Variants in SLC16A7 observed in about 807,000 individuals in gnomAD.
SLC16A7 encodes the protein monocarboxylate transporter 2.
SLC16A7 carries 33 observed loss-of-function variants against 34.9 expected under a neutral mutation model. That is an observed-to-expected ratio of 0.94 (90% CI 0.72 to 1.26). The LOEUF (loss-of-function observed/expected upper bound fraction) is 1.26. Ranked by LOEUF, SLC16A7 falls within the 50% of genes most tolerant of loss-of-function variation. The pLI, the probability that SLC16A7 is intolerant of heterozygous loss-of-function variation, is 0.00. For missense variants in SLC16A7, 573 were observed against 578.1 expected (o/e 0.99, Z 0.09); for synonymous variants, 201 against 206.6 (o/e 0.97, Z 0.23).
chr12:59,608,797 T>G (rs1879059793), intron 1 of SLC16A7, among the ~76,000 whole-genome samples: 2 of 152,208 alleles, frequency 1.3e-5, no homozygotes, highest in South Asian at 4.1e-4. Flanking sequence ...CTCTACCTCA[T>G]TAAGATACCT....
intron 1 of SLC16A7, among the ~76,000 whole-genome samples, chr12:59,605,003 C>T (rs903800298): frequency 5.3e-5 from 8 of 152,084 alleles, no homozygotes; most frequent in African/African-American, 7.2e-5. Flanking sequence ...CCCGCCACCA[C>T]GCCCGGCTAA....
At chr12:59,684,917 A>G (rs1871036366) in intron 2 of SLC16A7, among the ~76,000 whole-genome samples, 1 of 152,128 alleles carries the variant, frequency 6.6e-6, no homozygotes, top group South Asian at 2.1e-4. Flanking sequence ...CAATGAGTAA[A>G]GACAAAATGT....
intron 1 of SLC16A7, among the ~76,000 whole-genome samples, chr12:59,650,559 G>A (rs921532576): frequency 2.0e-5 from 3 of 152,108 alleles, no homozygotes; most frequent in Non-Finnish European, 4.4e-5. Context: ...GTGATTGAGA[G>A]GACTAGAGTG....
chr12:59,622,130 A>G (rs1033674472), intron 1 of SLC16A7, among the ~76,000 whole-genome samples: 7 of 151,872 alleles, frequency 4.6e-5, no homozygotes, highest in African/African-American at 1.7e-4. Context: ...TAAGTGAGCT[A>G]GAAAAACTAT....
At chr12:59,738,465 A>G (rs1877864304) in intron 3 of SLC16A7, among the ~76,000 whole-genome samples, 1 of 152,112 alleles carries the variant, frequency 6.6e-6, no homozygotes, top group East Asian at 1.9e-4. Flanking sequence ...ACTGGGGAGG[A>G]AGAGAGTTTT....
chr12:59,648,352 A>G (rs903221218), intron 1 of SLC16A7, among the ~76,000 whole-genome samples: 1 of 152,206 alleles, frequency 6.6e-6, no homozygotes, highest in African/African-American at 2.4e-5. Flanking sequence ...GCAAGAAGAC[A>G]TAGGCATGAG....
At chr12:59,661,395 C>T (rs1451644330) in intron 2 of SLC16A7, among the ~76,000 whole-genome samples, 7 of 152,054 alleles carry the variant, frequency 4.6e-5, no homozygotes, top group Non-Finnish European at 1.0e-4. Flanking sequence ...TTTGCTGACT[C>T]TGAGACTTTG....
chr12:59,635,154 C>T (rs976768926), intron 1 of SLC16A7, among the ~76,000 whole-genome samples: 3 of 152,094 alleles, frequency 2.0e-5, no homozygotes, highest in African/African-American at 7.2e-5. Flanking sequence ...AAAGGTGTTA[C>T]AGCTGGATGT....
chr12:59,631,881 A>G (rs1223485045), intron 1 of SLC16A7, among the ~76,000 whole-genome samples: 1 of 151,990 alleles, frequency 6.6e-6, no homozygotes, highest in East Asian at 1.9e-4. Context: ...GTTCATGCCC[A>G]TAAGTAGCTT....
chr12:59,747,447 G>C (rs774933581), intron 3 of SLC16A7, among the ~76,000 whole-genome samples: 1 of 152,094 alleles, frequency 6.6e-6, no homozygotes, highest in Non-Finnish European at 1.5e-5. Context: ...CTAATTAATT[G>C]TTTTTAACTC....
intron 1 of SLC16A7, among the ~76,000 whole-genome samples, chr12:59,602,475 T>A (rs1418002577): frequency 7.3e-6 from 1 of 137,492 alleles, no homozygotes; most frequent in African/African-American, 2.7e-5. Flanking sequence ...GTTTGTGTTT[T>A]GGGCTTTTTT....
At chr12:59,751,960 G>A (rs894260142) in intron 3 of SLC16A7, among the ~76,000 whole-genome samples, 3 of 152,158 alleles carry the variant, frequency 2.0e-5, no homozygotes, top group African/African-American at 7.2e-5. Flanking sequence ...AAAATCCGCT[G>A]ATCTGCAGCC....
chr12:59,746,278 C>T (rs572068706), intron 3 of SLC16A7, among the ~76,000 whole-genome samples: 1 of 152,182 alleles, frequency 6.6e-6, no homozygotes, highest in African/African-American at 2.4e-5. Flanking sequence ...GGCTTTCAGG[C>T]TTGATTGAAT....
At chr12:59,733,793 G>A in intron 3 of SLC16A7, 1 of 456,046 alleles carries the variant, frequency 2.2e-6, no homozygotes, top group South Asian at 1.5e-5. Flanking sequence ...GCAGAGAGGA[G>A]CTTCACTGAG....
Position 59,615,561 on chromosome 12 carries a change from C to T in SLC16A7, c.-130+19325C>T, listed in dbSNP as rs1565619005. ...CTATGTGTCAAGACTGGCAAACACT[C>T]AGATGCTAAGTGTTTCCTGCATCTG... is the stretch of plus-strand genomic sequence containing the variant. On this transcript the variant is annotated intron_variant, in intron 1 of 5. Transcript: ENST00000547379. Among the ~76,000 whole-genome samples, 3 of 152,314 alleles carry T rather than the reference C, an allele frequency of 2.0e-5. 1 individual carries two copies. Among genetic ancestry groups the T allele is most frequent in the Middle Eastern group, 6.8e-3 (2 of 294 alleles).
intron 1 of SLC16A7, among the ~76,000 whole-genome samples, chr12:59,620,410 A>T (rs74904976): frequency 0.018 from 2,676 of 152,108 alleles, 75 homozygotes; most frequent in African/African-American, 0.061. Context: ...CAGCAAAAAA[A>T]TTAGAATTAA....
intron 3 of SLC16A7, among the ~76,000 whole-genome samples, chr12:59,758,073 G>T (rs1880594807): frequency 6.6e-6 from 1 of 151,902 alleles, no homozygotes; most frequent in South Asian, 2.1e-4. Flanking sequence ...CAACACAAGG[G>T]TTAGGGGGAC....
intron 2 of SLC16A7, among the ~76,000 whole-genome samples, chr12:59,688,287 T>C (rs1240788140): frequency 6.6e-6 from 1 of 151,762 alleles, no homozygotes; most frequent in Non-Finnish European, 1.5e-5. Context: ...ACAAGCAAAA[T>C]ACAAGAGGGT....
intron 1 of SLC16A7, among the ~76,000 whole-genome samples, chr12:59,626,016 A>G (rs890120816): frequency 1.3e-5 from 2 of 151,816 alleles, no homozygotes; most frequent in African/African-American, 2.4e-5. Flanking sequence ...TGCTTTTCCA[A>G]TATGTTCTAT....
Sources: gnomAD v4.1 joint callset for allele counts (sites outside exome capture counted in the v4.1 genomes callset) on GRCh38, gnomAD v4.1.1 for gene constraint, MANE v1.5 for transcripts, NCBI Gene and HGNC (gene_info 2026-07-23, HGNC 2026-07-21) for gene names.